TAOK3: variants seen among roughly 807,000 people sequenced by gnomAD.
The protein encoded by TAOK3 is serine/threonine-protein kinase TAO3.
TAOK3 carries 40 observed loss-of-function variants against 120.4 expected under a neutral mutation model. That is an observed-to-expected ratio of 0.33 (90% CI 0.26 to 0.43). The LOEUF is 0.43. TAOK3 is among the 20% of genes least tolerant of loss of function. The pLI is 1.00. For missense variants in TAOK3, 821 were observed against 1,112.1 expected (o/e 0.74, Z 3.72); for synonymous variants, 355 against 387.5 (o/e 0.92, Z 0.99).
chr12:118,350,827 T>G (rs1431301950), intron 1 of TAOK3, among the ~76,000 whole-genome samples: 2 of 139,304 alleles, frequency 1.4e-5, no homozygotes, highest in African/African-American at 5.5e-5. Context: ...GCCATTGTAC[T>G]CCAGCCTGGG....
chr12:118,353,915 A>C (rs2045286775), intron 1 of TAOK3, among the ~76,000 whole-genome samples: 1 of 152,152 alleles, frequency 6.6e-6, no homozygotes, highest in South Asian at 2.1e-4. Context: ...GGTTTAGTGA[A>C]TTGACTGCGG....
rs1474959464 is a variant in TAOK3 at position 118,182,833 on chromosome 12, G to C, written c.1330-1226C>G. ...ACTCTCCTAAAGAGGACAAAGCATT[G>C]CTATGATTTTTGGAAGGCTACTTTT... On this transcript the variant is annotated intron_variant, in intron 14 of 20. Transcript: ENST00000392533. Among the ~76,000 whole-genome samples the C allele has an allele frequency of 2.0e-5, 3 of 151,544 alleles. No individual in the cohort carries two copies. In the East Asian group the frequency reaches 5.8e-4, roughly 29 times the overall value.
At chr12:118,332,610 G>C (rs911710442) in intron 1 of TAOK3, among the ~76,000 whole-genome samples, 1 of 152,100 alleles carries the variant, frequency 6.6e-6, no homozygotes, top group Non-Finnish European at 1.5e-5. Flanking sequence ...CTTTCCTTAG[G>C]ATACACAGAA....
chr12:118,351,473 G>C (rs2141224084), intron 1 of TAOK3, among the ~76,000 whole-genome samples: 1 of 152,278 alleles, frequency 6.6e-6, no homozygotes, highest in Non-Finnish European at 1.5e-5. Context: ...TGCATCTATA[G>C]CCAAGCATCA....
In TAOK3 at chr12:118,275,225, A is replaced by G. The variant is rs143031699; in HGVS notation, c.-193-8466T>C. On this transcript the variant is annotated intron_variant, in intron 1 of 20. Transcript: ENST00000392533. Reference sequence around the variant, plus strand: ...GTGATCACAGTTCACTGTAGCTTCAACCTCTGGGGTTCAAGCAGCCCTCTT... The same window carrying G: ...GTGATCACAGTTCACTGTAGCTTCAGCCTCTGGGGTTCAAGCAGCCCTCTT... Among the ~76,000 whole-genome samples the G allele has an allele frequency of 8.1e-4, 123 of 152,080 alleles. 2 individuals are homozygous for G. Among genetic ancestry groups the G allele is most frequent in the African/African-American group, 2.9e-3 (119 of 41,484 alleles).
chr12:118,344,942 C>G (rs371719653), intron 1 of TAOK3, among the ~76,000 whole-genome samples: 1 of 152,250 alleles, frequency 6.6e-6, no homozygotes, highest in East Asian at 1.9e-4. Context: ...ACCCATGCCC[C>G]TCTTCACCTT....
At chr12:118,351,869 T>TAAGTTC (rs1280829857) in intron 1 of TAOK3, among the ~76,000 whole-genome samples, 1 of 131,352 alleles carries the variant, frequency 7.6e-6, no homozygotes. Flanking sequence ...TAGTTCTTTT[T>TAAGTTC]TTTTTTTTTT....
At chr12:118,257,442 T>C (rs544685548) in intron 2 of TAOK3, among the ~76,000 whole-genome samples, 73 of 152,318 alleles carry the variant, frequency 4.8e-4, no homozygotes, top group Non-Finnish European at 9.0e-4. Context: ...TCTTTTTTAT[T>C]TTTTGAAAAA....
chr12:118,159,821 G>C (rs2035098615), intron 19 of TAOK3: 1 of 351,062 alleles, frequency 2.8e-6, no homozygotes, highest in South Asian at 2.9e-5. Flanking sequence ...CCTGATATTA[G>C]TTGCGGGGAG....
At chr12:118,222,443 G>T (rs1406237833) in intron 9 of TAOK3, among the ~76,000 whole-genome samples, 2 of 151,824 alleles carry the variant, frequency 1.3e-5, no homozygotes, top group Non-Finnish European at 2.9e-5. Flanking sequence ...TGAGGCAGGA[G>T]AATTGCTTGA....
chr12:118,339,102 A>T (rs993088133), intron 1 of TAOK3, among the ~76,000 whole-genome samples: 1 of 152,110 alleles, frequency 6.6e-6, no homozygotes, highest in Non-Finnish European at 1.5e-5. Flanking sequence ...TTGGACTTTC[A>T]CATGAACAAC....
chr12:118,253,346 T>C (rs1020384456), intron 3 of TAOK3, among the ~76,000 whole-genome samples: 1 of 152,226 alleles, frequency 6.6e-6, no homozygotes, highest in Non-Finnish European at 1.5e-5. Context: ...AAGAAATTAT[T>C]TGATTACAAG....
At chr12:118,308,907 G>T (rs1192250314) in intron 1 of TAOK3, among the ~76,000 whole-genome samples, 1 of 127,636 alleles carries the variant, frequency 7.8e-6, no homozygotes, top group Non-Finnish European at 1.6e-5. Flanking sequence ...TCCAGCCTGG[G>T]GAACAGCAGC....
chr12:118,180,896 G>A (rs1406000618), intron 15 of TAOK3, among the ~76,000 whole-genome samples: 1 of 151,536 alleles, frequency 6.6e-6, no homozygotes. Context: ...CCAGGCTGGA[G>A]TGTAATGGCA....
At chr12:118,309,716 A>G (rs1372172812) in intron 1 of TAOK3, among the ~76,000 whole-genome samples, 1 of 151,798 alleles carries the variant, frequency 6.6e-6, no homozygotes, top group East Asian at 2.0e-4. Context: ...GGGTTTCACC[A>G]TGTTGGCCAG....
chr12:118,323,750 T>C (rs1295268208), intron 1 of TAOK3, among the ~76,000 whole-genome samples: 1 of 152,214 alleles, frequency 6.6e-6, no homozygotes, highest in African/African-American at 2.4e-5. Context: ...AGAAATGATA[T>C]GCATATAATC....
intron 1 of TAOK3, among the ~76,000 whole-genome samples, chr12:118,325,823 G>A (rs2043914091): frequency 6.6e-6 from 1 of 152,056 alleles, no homozygotes; most frequent in African/African-American, 2.4e-5. Flanking sequence ...GGGAATACAG[G>A]TGCCCACCAC....
chr12:118,246,696 G>T lies in TAOK3; in HGVS notation c.121-1731C>A. Reference sequence around the variant, plus strand: ...CCCTGCACCCAGGGGCACTGGCATCGTCTCCGCACCTGTGCCTAAGAAGCT... The same window carrying T: ...CCCTGCACCCAGGGGCACTGGCATCTTCTCCGCACCTGTGCCTAAGAAGCT... On this transcript the variant is annotated intron_variant, in intron 3 of 20. Coordinates refer to ENST00000392533, the MANE Select transcript of TAOK3 (RefSeq NM_016281.4). The T allele has an allele frequency of 1.1e-5, 18 of 1,583,874 alleles. No individual in the cohort carries two copies. The South Asian group carries it at 2.0e-4, about 18-fold the overall frequency.
At chr12:118,289,696 A>G (rs1405896549) in intron 1 of TAOK3, among the ~76,000 whole-genome samples, 1 of 152,158 alleles carries the variant, frequency 6.6e-6, no homozygotes, top group East Asian at 1.9e-4. Context: ...TTTAAAATTT[A>G]GAAACAGAAT....
Sources: allele counts gnomAD v4.1 joint callset (sites outside exome capture counted in the v4.1 genomes callset), GRCh38; gene constraint gnomAD v4.1.1; transcripts MANE v1.5; gene names NCBI Gene and HGNC (gene_info 2026-07-23, HGNC 2026-07-21).